ARHGEF12: variants seen among roughly 807,000 people sequenced by gnomAD.
ARHGEF12 encodes the protein KMT2A/ARHGEF12 fusion protein.
ARHGEF12 carries 66 observed loss-of-function variants against 211.2 expected under a neutral mutation model. The observed-to-expected ratio is 0.31, with a 90% CI of 0.26 to 0.38. ARHGEF12 has a LOEUF of 0.38. Among genes scored for constraint, ARHGEF12 ranks in the 10% least tolerant of loss-of-function variants. ARHGEF12 has a pLI of 1.00. For missense variants in ARHGEF12, 1,429 were observed against 1,869.5 expected (o/e 0.76, Z 4.34); for synonymous variants, 592 against 638.4 (o/e 0.93, Z 1.09).
At chr11:120,448,054 T>TC in intron 19 of ARHGEF12, 148 bp downstream of exon 19, 1 of 774,468 alleles carries the variant, frequency 1.3e-6, no homozygotes, top group Admixed American at 3.1e-5. Flanking sequence ...ATTTGACTAA[T>TC]ATTCTACTGT....
At chr11:120,421,251 A>G (rs76272028) in intron 5 of ARHGEF12, among the ~76,000 whole-genome samples, 2,481 of 152,230 alleles carry the variant, frequency 0.016, 79 homozygotes, top group African/African-American at 0.056. Flanking sequence ...TGCTGTTACC[A>G]TATATTGAAT....
intron 1 of ARHGEF12, among the ~76,000 whole-genome samples, chr11:120,402,519 G>T (rs1418315056): frequency 6.6e-6 from 1 of 152,068 alleles, no homozygotes; most frequent in African/African-American, 2.4e-5. Context: ...AACATTCTTT[G>T]ACTGCTAATA....
At chr11:120,451,931 G>T (rs747662241) in intron 22 of ARHGEF12, among the ~76,000 whole-genome samples, 2 of 152,168 alleles carry the variant, frequency 1.3e-5, no homozygotes, top group Non-Finnish European at 2.9e-5. Context: ...TAAGCTCTCT[G>T]TCAGGCATTA....
rs1947361886 is a variant in ARHGEF12 at position 120,484,964 on chromosome 11, G to T, written c.4625-103G>T. ...ACTCATCTGCTTACATACTGATTCA[G>T]AAACAAAGATTGAACCACGCCCACA... On this transcript the variant is annotated intron_variant, in intron 40 of 40. Coordinates refer to ENST00000397843, the MANE Select transcript of ARHGEF12 (RefSeq NM_015313.3). The T allele has an allele frequency of 4.0e-6, 5 of 1,257,396 alleles. No individual in the cohort carries two copies. In the South Asian group the frequency reaches 6.6e-5, roughly 17 times the overall value. 77.9% of individuals were successfully genotyped at this position (1,257,396 alleles called of 1,614,324 possible).
At chr11:120,455,918 T>TA (rs1208071679) in intron 22 of ARHGEF12, among the ~76,000 whole-genome samples, 1 of 152,094 alleles carries the variant, frequency 6.6e-6, no homozygotes, top group African/African-American at 2.4e-5. Context: ...TGAAGCAAAA[T>TA]AAAAAGTGGC....
At position 120,341,523 on chromosome 11, in the gene ARHGEF12, T is replaced by C. The variant is rs114925539; in HGVS notation, c.32+4248T>C. On this transcript the variant is annotated intron_variant, in intron 1 of 40. Transcript: ENST00000397843. ...AAAACAGTTGGAAAATATTTCATTG[T>C]ACATATGTGGTTGCCTCTTCTAAAT... Among the ~76,000 whole-genome samples the C allele has an allele frequency of 4.3e-3, 652 of 152,354 alleles. 6 individuals carry two copies. Among genetic ancestry groups the C allele is most frequent in the African/African-American group, 0.015 (634 of 41,574 alleles).
At position 120,480,389 on chromosome 11, in the gene ARHGEF12, C is replaced by T; in HGVS notation, c.4196C>T (p.Ala1399Val). ...SDENPSEGDG[A>V]VNKEEKDVNL... ...GAGAATCCATCAGAAGGTGATGGAG[C>T]AGTTAACAAGGAAGAGAAGGATGTT... Residue 1399 changes from alanine (A) to valine (V), a missense_variant, in exon 38 of 41, where the codon GCA (alanine) becomes GTA (valine). Around this residue, in one of 7 missense-constraint regions of ARHGEF12, gnomAD observed 467 missense variants for 468.4 expected, o/e 1.00. Transcript: ENST00000397843. 6.2e-7 allele frequency: 1 copy of T among 1,613,346 alleles called. No individual in the cohort carries two copies. Among genetic ancestry groups the T allele is most frequent in the Non-Finnish European group, 8.5e-7 (1 of 1,179,574 alleles).
chr11:120,461,083 A>G (rs1946513245), intron 27 of ARHGEF12, among the ~76,000 whole-genome samples: 1 of 152,186 alleles, frequency 6.6e-6, no homozygotes, highest in Non-Finnish European at 1.5e-5. Context: ...GAGGGTTGGA[A>G]TCAACTTCCA....
intron 4 of ARHGEF12, chr11:120,411,121 T>C (rs1591556296): frequency 6.6e-6 from 1 of 152,178 alleles, no homozygotes; most frequent in South Asian, 2.1e-4. Context: ...GCCATTGGCT[T>C]GGTAGTGATA....
chr11:120,479,016 T>G (rs1947150668), intron 37 of ARHGEF12, among the ~76,000 whole-genome samples: 1 of 152,220 alleles, frequency 6.6e-6, no homozygotes, highest in Non-Finnish European at 1.5e-5. Context: ...CCATTGTACT[T>G]TCTTTTTTCT....
chr11:120,480,984 G>C (rs1318059454), intron 38 of ARHGEF12, among the ~76,000 whole-genome samples: 1 of 152,150 alleles, frequency 6.6e-6, no homozygotes, highest in African/African-American at 2.4e-5. Context: ...CAAGAGAGGC[G>C]TTTGGCAGGG....
chr11:120,383,950 C>T, intron 1 of ARHGEF12, among the ~76,000 whole-genome samples: 1 of 152,196 alleles, frequency 6.6e-6, no homozygotes, highest in African/African-American at 2.4e-5. Flanking sequence ...GCTTCAAGTT[C>T]TAAGCTGTCC....
At chr11:120,399,313 A>AT (rs1491581578) in intron 1 of ARHGEF12, among the ~76,000 whole-genome samples, 2 of 118,102 alleles carry the variant, frequency 1.7e-5, no homozygotes, top group Non-Finnish European at 3.4e-5. Flanking sequence ...AGAGTGAGAC[A>AT]TTGTCTCCAA....
chr11:120,455,544 T>G (rs1039499328), intron 22 of ARHGEF12, among the ~76,000 whole-genome samples: 1 of 152,224 alleles, frequency 6.6e-6, no homozygotes, highest in African/African-American at 2.4e-5. Flanking sequence ...GTCCACAGTT[T>G]AACTGGAATG....
intron 1 of ARHGEF12, among the ~76,000 whole-genome samples, chr11:120,402,108 T>G (rs1944561284): frequency 6.6e-6 from 1 of 152,206 alleles, no homozygotes; most frequent in Non-Finnish European, 1.5e-5. Flanking sequence ...CTTGTTCAAG[T>G]TCAAATACCT....
At chr11:120,342,727 C>T (rs1002470016) in intron 1 of ARHGEF12, among the ~76,000 whole-genome samples, 8 of 152,116 alleles carry the variant, frequency 5.3e-5, no homozygotes, top group Non-Finnish European at 7.4e-5. Context: ...AGCATGATTA[C>T]CAAATCAACT....
chr11:120,414,627 C>T (rs1944977704), intron 4 of ARHGEF12, among the ~76,000 whole-genome samples: 1 of 152,124 alleles, frequency 6.6e-6, no homozygotes, highest in Admixed American at 6.5e-5. Flanking sequence ...GATATGCACT[C>T]ATTTACCATT....
chr11:120,415,973 A>G lies in ARHGEF12; in HGVS notation c.200-4780A>G, dbSNP rs999627609. ...AGAAAAAATTGAATAGGATGTGTGC[A>G]TAGTTCTTTTTCCTTTTCCTCTTTA... On this transcript the variant is annotated intron_variant, in intron 4 of 40. Coordinates refer to ENST00000397843, the MANE Select transcript of ARHGEF12 (RefSeq NM_015313.3). Among the ~76,000 whole-genome samples, 5 of 152,238 alleles carry G rather than the reference A, an allele frequency of 3.3e-5. No homozygotes were observed. The East Asian group carries it at 7.7e-4, about 23-fold the overall frequency.
intron 1 of ARHGEF12, among the ~76,000 whole-genome samples, chr11:120,347,146 TCC>T (rs1491280002): frequency 0.1 from 4,753 of 46,462 alleles, 232 homozygotes; most frequent in Middle Eastern, 0.11. Context: ...CTTCCTTCCT[TCC>T]TTCCTTCCTT....
Sources: gnomAD v4.1 joint callset for allele counts (sites outside exome capture counted in the v4.1 genomes callset) on GRCh38, gnomAD v4.1.1 for gene constraint, gnomAD v4.1.1 regional missense constraint, MANE v1.5 for transcripts, NCBI Gene and HGNC (gene_info 2026-07-23, HGNC 2026-07-21) for gene names.